Variants in SCARA3 observed in about 807,000 individuals in gnomAD.
SCARA3 encodes scavenger receptor class A member 3.
A neutral mutation model predicts 47.0 loss-of-function variants in SCARA3; 39 were observed. That is an observed-to-expected ratio of 0.83 (90% CI 0.64 to 1.08). The LOEUF (loss-of-function observed/expected upper bound fraction) is 1.08, where lower values mean the gene tolerates loss of function less well. Ranked by LOEUF, SCARA3 falls within the 50% of genes least tolerant of loss-of-function variation. The probability of loss-of-function intolerance (pLI) is 0.00; values close to 1 mark genes in which losing one functional copy is unlikely to be tolerated. For missense variants in SCARA3, 724 were observed against 792.3 expected, an observed-to-expected ratio of 0.91 and a Z score of 1.04; for synonymous variants, 356 against 334.1, an observed-to-expected ratio of 1.07 and a Z score of -0.71.
At chr8:27,676,533 A>G (rs776453925), downstream of SCARA3, 1 of 1,609,240 alleles carries the variant, frequency 6.2e-7, no homozygotes, top group Non-Finnish European at 8.5e-7. Flanking sequence ...AAACTATTAA[A>G]TATTAGAACA....
At chr8:27,679,940 C>T (rs958887025), downstream of SCARA3, 1 of 151,530 alleles carries the variant, frequency 6.6e-6, no homozygotes, top group Non-Finnish European at 1.5e-5. Context: ...TTTTTTAATC[C>T]ACACATTCTT....
chr8:27,649,854 C>T (rs1801594806), intron 2 of SCARA3, 54 bp downstream of exon 2: 1 of 1,472,370 alleles, frequency 6.8e-7, no homozygotes, highest in African/African-American at 1.4e-5. Context: ...AGATCCCTGT[C>T]TCCATCCCCA....
chr8:27,692,374 C>A, the SCARA3 span, among the ~76,000 whole-genome samples: 1 of 149,844 alleles, frequency 6.7e-6, no homozygotes, highest in African/African-American at 2.5e-5. Context: ...GAGCTGAGAT[C>A]ACGTCATTGC....
At chr8:27,639,097 G>C (rs764935104) in intron 1 of SCARA3, among the ~76,000 whole-genome samples, 3 of 152,110 alleles carry the variant, frequency 2.0e-5, no homozygotes, top group Non-Finnish European at 4.4e-5. Context: ...CCTTCTTCAT[G>C]GTTCAGATGA....
At chr8:27,693,507 G>C in the SCARA3 span, among the ~76,000 whole-genome samples, 1 of 152,164 alleles carries the variant, frequency 6.6e-6, no homozygotes, top group Non-Finnish European at 1.5e-5. Flanking sequence ...TCTGATTTGA[G>C]CTGGAGAGAT....
In SCARA3 at chr8:27,660,699, ATAGATAGATAG is replaced by A. The variant is rs1563410287; in HGVS notation, c.1369+1161_1369+1171del. ...AATAGTGTAGAGTGATAGATGATAGATAGATAGATAGATAGATAGATAGATAGATAGATAGA... is the reference window on the plus strand; with the variant it reads ...AATAGTGTAGAGTGATAGATGATAGAATAGATAGATAGATAGATAGATAGA... On this transcript the variant is annotated intron_variant, in intron 5 of 5. Transcript: ENST00000301904. Among the ~76,000 whole-genome samples the A allele has an allele frequency of 2.2e-4, 32 of 148,188 alleles. No homozygotes were observed. The East Asian group carries it at 2.7e-3, about 12-fold the overall frequency.
chr8:27,712,032 G>A, the SCARA3 span, among the ~76,000 whole-genome samples: 1 of 152,130 alleles, frequency 6.6e-6, no homozygotes, highest in Admixed American at 6.5e-5. Flanking sequence ...AAAACAAGAA[G>A]TTCAATAACT....
chr8:27,726,416 C>T, the SCARA3 span, among the ~76,000 whole-genome samples: 2 of 152,016 alleles, frequency 1.3e-5, no homozygotes, highest in African/African-American at 4.8e-5. Flanking sequence ...TTAAAAACAA[C>T]AGCCAGGCGC....
At chr8:27,707,241 G>A in the SCARA3 span, among the ~76,000 whole-genome samples, 1 of 152,122 alleles carries the variant, frequency 6.6e-6, no homozygotes, top group Non-Finnish European at 1.5e-5. Flanking sequence ...AAAACCTCCA[G>A]GTACTAATTG....
At chr8:27,702,541 G>A in the SCARA3 span, 1 of 152,252 alleles carries the variant, frequency 6.6e-6, no homozygotes, top group East Asian at 1.9e-4. Flanking sequence ...GTGGGAAGGA[G>A]AGCGAGCCAT....
the SCARA3 span, among the ~76,000 whole-genome samples, chr8:27,700,366 G>A: frequency 0.14 from 21,883 of 152,166 alleles, 1,972 homozygotes; most frequent in Middle Eastern, 0.26. Flanking sequence ...CAGCACTTTG[G>A]GAGGCCGAGA....
the SCARA3 span, among the ~76,000 whole-genome samples, chr8:27,685,713 A>T: frequency 6.6e-6 from 1 of 152,224 alleles, no homozygotes; most frequent in Non-Finnish European, 1.5e-5. Context: ...TGGAAAGTAC[A>T]CAACACCACC....
Position 27,658,499 on chromosome 8 carries a change from C to T in SCARA3, c.329C>T (p.Pro110Leu), listed in dbSNP as rs772611166. Residue 110 changes from proline to leucine, a missense_variant, in exon 5 of 6, where the codon CCG becomes CTG. Physicochemically the swap from Pro to Leu is moderately conservative, Grantham distance 98. Transcript: ENST00000301904. The part of the protein sequence containing the change: ...LMQKNLQGLD[P>L]KALNNCSFCH... ...CTGTTATCCCTTTCCCCTAAAGATC[C>T]GAAAGCCCTGAACAACTGCTCTTTC... The T allele has an allele frequency of 7.9e-5, 126 of 1,598,390 alleles. No homozygotes were observed. The highest frequency in any genetic ancestry group is 1.7e-4 in the Middle Eastern group (1 of 5,976).
the SCARA3 span, among the ~76,000 whole-genome samples, chr8:27,692,029 A>G: frequency 6.6e-6 from 1 of 152,030 alleles, no homozygotes; most frequent in Admixed American, 6.6e-5. Flanking sequence ...AACCTGAAAA[A>G]CCAGTTCAGC....
intron 1 of SCARA3, among the ~76,000 whole-genome samples, chr8:27,643,943 G>C (rs969082226): frequency 6.6e-6 from 1 of 152,130 alleles, no homozygotes; most frequent in South Asian, 2.1e-4. Flanking sequence ...TAACAGGTCC[G>C]GGCTATTTTC....
chr8:27,671,336 C>T lies in SCARA3; in HGVS notation c.1806C>T (p.Ser602=). The change falls in exon 6 of 6, where the codon AGC becomes AGT. Residue 602 remains serine, a synonymous_variant. Transcript: ENST00000301904. ...GLPGPPGPPG[S]QSFY ...CGGGGCCTCCAGGTCCACCAGGAAG[C>T]CAGAGCTTCTACTGAGGAGGGCTGT... 1 of 1,425,502 alleles carries T rather than the reference C, an allele frequency of 7.0e-7. No individual in the cohort carries two copies. Among genetic ancestry groups the T allele is most frequent in the Non-Finnish European group, 9.2e-7 (1 of 1,090,568 alleles). The allele number at this position is 1,425,502 out of a possible 1,614,324, so 88.3% of individuals were successfully genotyped here.
At chr8:27,639,122 C>T (rs1334810211) in intron 1 of SCARA3, among the ~76,000 whole-genome samples, 1 of 152,180 alleles carries the variant, frequency 6.6e-6, no homozygotes, top group Admixed American at 6.5e-5. Flanking sequence ...CCTTCCCCTT[C>T]ACCTGAACCC....
chr8:27,706,827 T>C, the SCARA3 span, among the ~76,000 whole-genome samples: 2 of 151,918 alleles, frequency 1.3e-5, no homozygotes, highest in Non-Finnish European at 2.9e-5. Context: ...TTAGGAGTGA[T>C]ACCTATGAGA....
chr8:27,658,535 C>G lies in SCARA3; in HGVS notation c.365C>G (p.Ala122Gly), dbSNP rs1398019414. ...ALNNCSFCHE[A>G]GQLGPEIRKL... Reference sequence around the variant, plus strand: ...AACAACTGCTCTTTCTGCCATGAAGCTGGGCAGCTGGGGCCAGAGATCCGA... The same window carrying G: ...AACAACTGCTCTTTCTGCCATGAAGGTGGGCAGCTGGGGCCAGAGATCCGA... Residue 122 changes from alanine (A) to glycine (G), a missense_variant, in exon 5 of 6, where the codon GCT becomes GGT. Physicochemically the swap from Ala to Gly is moderately conservative, Grantham distance 60 (BLOSUM62 0). Coordinates refer to ENST00000301904, the MANE Select transcript of SCARA3 (RefSeq NM_016240.3). The G allele has an allele frequency of 1.2e-6, 2 of 1,612,750 alleles. No homozygotes were observed. The highest frequency in any genetic ancestry group is 1.7e-6 in the Non-Finnish European group (2 of 1,179,414).
Sources: allele counts gnomAD v4.1 joint callset (sites outside exome capture counted in the v4.1 genomes callset), GRCh38; gene constraint gnomAD v4.1.1; transcripts MANE v1.5; gene names NCBI Gene and HGNC (gene_info 2026-07-23, HGNC 2026-07-21).